The following ITGA4 variants were observed in gnomAD, a reference collection of about 807,000 sequenced individuals.
ITGA4 encodes the protein integrin alpha-4.
In ITGA4, 63 loss-of-function variants were observed where a neutral mutation model predicts 133.6. The observed-to-expected ratio is 0.47, with a 90% CI of 0.38 to 0.58. The LOEUF (loss-of-function observed/expected upper bound fraction) is 0.58, where lower values mean the gene tolerates loss of function less well. ITGA4 is among the 20% of genes least tolerant of loss of function. The probability of loss-of-function intolerance (pLI) is 0.00; values close to 1 mark genes in which losing one functional copy is unlikely to be tolerated. For synonymous variants in ITGA4, 483 were observed against 438.0 expected, an observed-to-expected ratio of 1.10 and a Z score of -1.28; for missense variants, 1,076 against 1,252.7, an observed-to-expected ratio of 0.86 and a Z score of 2.13.
At chr2:181,525,122 G>T (rs937871976) in intron 20 of ITGA4, 80 bp from the exon 21 acceptor site, 2 of 779,418 alleles carry the variant, frequency 2.6e-6, no homozygotes, top group South Asian at 1.5e-5. Flanking sequence ...AGTATATTAG[G>T]TATACAGGGT....
chr2:181,487,750 T>C (rs1225602470), intron 10 of ITGA4, among the ~76,000 whole-genome samples: 1 of 152,156 alleles, frequency 6.6e-6, no homozygotes, highest in Non-Finnish European at 1.5e-5. Flanking sequence ...CCATAATAAA[T>C]GAAAATGAAG....
intron 2 of ITGA4, among the ~76,000 whole-genome samples, chr2:181,473,357 C>G (rs761171991): frequency 1.3e-5 from 2 of 152,170 alleles, no homozygotes; most frequent in African/African-American, 2.4e-5. Context: ...AATCTAATGC[C>G]AGATGATCTG....
At chr2:181,458,345 G>C (rs1177492409) in intron 2 of ITGA4, 28 bp downstream of exon 2, 1 of 1,602,464 alleles carries the variant, frequency 6.2e-7, no homozygotes, top group Middle Eastern at 1.7e-4. Flanking sequence ...CCAGGAGTTA[G>C]TGACCTCCCG....
At chr2:181,497,799 C>A (rs1186671608) in intron 14 of ITGA4, among the ~76,000 whole-genome samples, 1 of 152,078 alleles carries the variant, frequency 6.6e-6, no homozygotes, top group African/African-American at 2.4e-5. Context: ...GCAAAGAACT[C>A]ATTTAGATTC....
chr2:181,534,739 TTAAAGGAAA>T, intron 26 of ITGA4, 68 bp from the exon 27 acceptor site: 1 of 1,284,734 alleles, frequency 7.8e-7, no homozygotes, highest in Non-Finnish European at 1.1e-6. Flanking sequence ...TGGCAGGGCT[TTAAAGGAAA>T]TATAAGCAAC....
chr2:181,516,893 C>A lies in ITGA4; in HGVS notation c.1922+5118C>A, dbSNP rs577451391. On this transcript the variant is annotated intron_variant, in intron 17 of 27. Transcript: ENST00000397033. The surrounding 1 kb of genome is among the most constrained non-coding windows in gnomAD (Gnocchi z 4.0). ...GTCCATTTTTAAAATGGAAATAGTA[C>A]GAATATTTGGCTCACTGACAGCATA... Among the ~76,000 whole-genome samples the A allele has an allele frequency of 3.9e-5, 6 of 151,996 alleles. No homozygotes were observed. In the South Asian group the frequency reaches 8.3e-4, roughly 21 times the overall value.
intron 2 of ITGA4, among the ~76,000 whole-genome samples, chr2:181,474,680 A>T (rs1446787299): frequency 6.6e-6 from 1 of 152,222 alleles, no homozygotes; most frequent in African/African-American, 2.4e-5. Context: ...ATTAGCTTTA[A>T]GTGGTTTTCC....
rs1218917551 is a variant in ITGA4, at chr2:181,523,288, T to C, written c.2074-149T>C. Reference sequence around the variant, plus strand: ...CACACATATTTATATCATATGTCTATTTATCTCAAACATATAAATAGAAAA... The same window carrying C: ...CACACATATTTATATCATATGTCTACTTATCTCAAACATATAAATAGAAAA... On this transcript the variant is annotated intron_variant, in intron 18 of 27. Coordinates refer to ENST00000397033, the MANE Select transcript of ITGA4 (RefSeq NM_000885.6). The surrounding 1 kb of genome is among the most constrained non-coding windows in gnomAD (Gnocchi z 4.2). The C allele has an allele frequency of 1.8e-6, 1 of 563,454 alleles. No homozygotes were observed. The highest frequency in any genetic ancestry group is 1.9e-5 in the African/African-American group (1 of 52,792). 34.9% of individuals were successfully genotyped at this position (563,454 alleles called of 1,614,324 possible). A position where few individuals can be genotyped will look rare whatever the true frequency, so the allele number is the denominator to read the frequency against.
chr2:181,522,150 A>T, intron 17 of ITGA4, 41 bp from the exon 18 acceptor site: 1 of 1,287,604 alleles, frequency 7.8e-7, no homozygotes, highest in Non-Finnish European at 1.1e-6. Context: ...AGGGATTTTT[A>T]TTTCCTAAAC....
intron 27 of ITGA4, 61 bp downstream of exon 27, chr2:181,534,996 T>C: frequency 6.7e-7 from 1 of 1,493,148 alleles, no homozygotes; most frequent in Admixed American, 2.5e-5. Context: ...CAAAGCCAAT[T>C]TGACTTCCAA....
intron 2 of ITGA4, among the ~76,000 whole-genome samples, chr2:181,460,598 T>TGTGTGTGTGTGTGTGA (rs1226718813): frequency 2.6e-5 from 4 of 151,452 alleles, no homozygotes; most frequent in Non-Finnish European, 5.9e-5. Flanking sequence ...TGTGTGTGTG[T>TGTGTGTGTGTGTGTGA]GTGTGAATCT....
chr2:181,473,584 G>A (rs1685605187), intron 2 of ITGA4, among the ~76,000 whole-genome samples: 1 of 152,198 alleles, frequency 6.6e-6, no homozygotes. Context: ...TGACATTTTA[G>A]AAAACGAAAG....
At chr2:181,492,521 T>A (rs1686073392) in intron 10 of ITGA4, among the ~76,000 whole-genome samples, 1 of 148,424 alleles carries the variant, frequency 6.7e-6, no homozygotes, top group Non-Finnish European at 1.5e-5. Flanking sequence ...TAGACAATAC[T>A]TGGTAAAATA....
chr2:181,528,044 T>C (rs1396189430), intron 22 of ITGA4, among the ~76,000 whole-genome samples: 2 of 152,204 alleles, frequency 1.3e-5, no homozygotes, highest in African/African-American at 2.4e-5. Context: ...AAAAAAATTC[T>C]TTGAACCAAA....
chr2:181,485,127 GC>G (rs1685884837), intron 9 of ITGA4, among the ~76,000 whole-genome samples: 1 of 152,060 alleles, frequency 6.6e-6, no homozygotes, highest in Non-Finnish European at 1.5e-5. Flanking sequence ...GGTTCCAAAG[GC>G]CAGCTTCAAT....
At position 181,495,266 on chromosome 2, in the gene ITGA4, T is replaced by C; in HGVS notation, c.1340-105T>C. 2.6e-6 allele frequency: 2 copies of C among 773,576 alleles called. No homozygotes were observed. Among genetic ancestry groups the C allele is most frequent in the Non-Finnish European group, 4.5e-6 (2 of 439,806 alleles). 47.9% of individuals were successfully genotyped at this position (773,576 alleles called of 1,614,324 possible). On this transcript the variant is annotated intron_variant, in intron 12 of 27. Transcript: ENST00000397033. The surrounding 1 kb of genome is among the most constrained non-coding windows in gnomAD (Gnocchi z 4.3). ...ATATTCTCTAATTTTCTATAAATAG[T>C]GTTTTAGGTAGTCAAAGGTGATACG... is the stretch of plus-strand genomic sequence containing the variant.
chr2:181,488,582 G>T (rs1291927668), intron 10 of ITGA4, among the ~76,000 whole-genome samples: 1 of 149,474 alleles, frequency 6.7e-6, no homozygotes, highest in African/African-American at 2.5e-5. Flanking sequence ...TTTTTGAGAT[G>T]GAGTCTCGCT....
chr2:181,460,566 A>AATGTGTGTGTGT (rs79689303), intron 2 of ITGA4, among the ~76,000 whole-genome samples: 6,434 of 147,998 alleles, frequency 0.043, 220 homozygotes, highest in Middle Eastern at 0.065. Context: ...TCTGTAGAAG[A>AATGTGTGTGTGT]GTGTGTGTGT....
chr2:181,457,924 CCCG>C, intron 1 of ITGA4, 73 bp downstream of exon 1: 1 of 1,389,322 alleles, frequency 7.2e-7, no homozygotes, highest in Non-Finnish European at 9.8e-7. Context: ...GGATTCCCTG[CCCG>C]ATTCAAACTT....
Sources: gnomAD v4.1 joint callset for allele counts (sites outside exome capture counted in the v4.1 genomes callset) on GRCh38, gnomAD v4.1.1 for gene constraint, Gnocchi (gnomAD v3.1) non-coding constraint, MANE v1.5 for transcripts, NCBI Gene and HGNC (gene_info 2026-07-23, HGNC 2026-07-21) for gene names.